The following BPNT1 variants were observed in gnomAD, a reference collection of about 807,000 sequenced individuals.
The protein encoded by BPNT1 is 3'(2'),5'-bisphosphate nucleotidase 1.
In BPNT1, 28 loss-of-function variants were observed where a neutral mutation model predicts 36.9. The ratio of observed to expected loss-of-function variants is 0.76; its 90% CI spans 0.56 to 1.04. The LOEUF (loss-of-function observed/expected upper bound fraction) is 1.04, where lower values mean the gene tolerates loss of function less well. BPNT1 is among the 50% of genes least tolerant of loss of function. BPNT1 has a pLI of 0.00. For synonymous variants in BPNT1, 119 were observed against 130.9 expected (o/e 0.91, Z 0.62); for missense variants, 313 against 372.9 (o/e 0.84, Z 1.32).
At position 220,079,867 on chromosome 1, in the gene BPNT1, C is replaced by G. The variant is rs1558098664; in HGVS notation, c.-8-13G>C. The G allele has an allele frequency of 8.1e-6, 13 of 1,601,992 alleles. No individual in the cohort carries two copies. Among genetic ancestry groups the G allele is most frequent in the Non-Finnish European group, 1.1e-5 (13 of 1,175,354 alleles). On this transcript the variant is annotated splice_polypyrimidine_tract_variant and intron_variant, in intron 1 of 8. Coordinates refer to ENST00000322067, the MANE Select transcript of BPNT1 (RefSeq NM_006085.6). ...GCCATGGTACACTCTAAAAAGAGAT[C>G]AAGAAAAATGTCTTGTTAGTTTCAA...
chr1:220,083,382 T>C (rs1312870666), intron 1 of BPNT1, among the ~76,000 whole-genome samples: 2 of 151,522 alleles, frequency 1.3e-5, no homozygotes, highest in Non-Finnish European at 2.9e-5. Flanking sequence ...TGGCGCGATC[T>C]CGGCTCACTA....
intron 4 of BPNT1, among the ~76,000 whole-genome samples, chr1:220,069,701 C>T (rs569434903): frequency 3.3e-5 from 5 of 152,128 alleles, no homozygotes; most frequent in Middle Eastern, 3.4e-3. Context: ...TTTGAGAGGC[C>T]GAGGCGGGTG....
At chr1:220,063,749 T>C (rs1663274252) in intron 6 of BPNT1, among the ~76,000 whole-genome samples, 1 of 152,224 alleles carries the variant, frequency 6.6e-6, no homozygotes. Flanking sequence ...AATACAATAT[T>C]GAAGAGTAGC....
intron 1 of BPNT1, among the ~76,000 whole-genome samples, chr1:220,083,630 T>C (rs1052150773): frequency 1.3e-5 from 2 of 152,128 alleles, no homozygotes; most frequent in African/African-American, 4.8e-5. Context: ...GGTTTCTAAG[T>C]GCAGCTGACA....
At chr1:220,084,020 G>A (rs1655470260) in intron 1 of BPNT1, among the ~76,000 whole-genome samples, 1 of 152,096 alleles carries the variant, frequency 6.6e-6, no homozygotes, top group African/African-American at 2.4e-5. Context: ...TACTAATTCA[G>A]GAGCACTTCA....
intron 6 of BPNT1, chr1:220,067,041 G>GC (rs1262858159): frequency 6.1e-6 from 1 of 163,632 alleles, no homozygotes; most frequent in Non-Finnish European, 1.3e-5. Flanking sequence ...CAGTACCAAT[G>GC]CCCCCAGCGA....
chr1:220,074,025 A>G lies in BPNT1; in HGVS notation c.167T>C (p.Met56Thr), dbSNP rs773964883. 26 of 1,614,156 alleles carry G rather than the reference A, an allele frequency of 1.6e-5. No individual in the cohort carries two copies. The highest frequency in any genetic ancestry group is 2.1e-5 in the Non-Finnish European group (25 of 1,180,014). The stretch of plus-strand genomic sequence containing the variant: ...CCGGGCCAATGAAGAACATATGCTC[A>G]TCTGTGCCAATCGGTCAGCTTTGGT... ...LQTKADRLAQ[M>T]SICSSLARKF... Residue 56 changes from methionine to threonine, a missense_variant, in exon 3 of 9, where the codon ATG becomes ACG. Physicochemically the swap from Met to Thr is moderately conservative, Grantham distance 81. Transcript: ENST00000322067.
At chr1:220,076,094 C>A (rs573675196) in intron 2 of BPNT1, among the ~76,000 whole-genome samples, 1 of 152,080 alleles carries the variant, frequency 6.6e-6, no homozygotes, top group Admixed American at 6.6e-5. Flanking sequence ...AGGGGCTGGG[C>A]GCAGTGGCTC....
chr1:220,082,120 AGT>A (rs1321525166), intron 1 of BPNT1, among the ~76,000 whole-genome samples: 28 of 127,946 alleles, frequency 2.2e-4, no homozygotes, highest in African/African-American at 6.5e-4. Context: ...AGAGAGAGAG[AGT>A]GTATATATAT....
At chr1:220,071,934 G>A (rs911996374) in intron 4 of BPNT1, among the ~76,000 whole-genome samples, 6 of 152,072 alleles carry the variant, frequency 3.9e-5, no homozygotes, top group South Asian at 2.1e-4. Context: ...TGATCTGCCC[G>A]CCTCAGCCTC....
chr1:220,069,324 C>A, intron 5 of BPNT1, 60 bp downstream of exon 5: 1 of 1,291,714 alleles, frequency 7.7e-7, no homozygotes, highest in South Asian at 1.4e-5. Context: ...CAAATATTTA[C>A]AACTAACATC....
intron 1 of BPNT1, among the ~76,000 whole-genome samples, chr1:220,080,333 G>A (rs548306598): frequency 2.0e-5 from 3 of 152,272 alleles, no homozygotes; most frequent in African/African-American, 7.2e-5. Flanking sequence ...GGTGTGTAGG[G>A]TGTAATTAAA....
In BPNT1 at chr1:220,064,789, C is replaced by A. The variant is rs537873771; in HGVS notation, c.475-1835G>T. The stretch of plus-strand genomic sequence containing the variant: ...TTACACTACAGGAGAGGCTTGGAAT[C>A]TAAGGAAGCTATTTATTTTTTTATT... On this transcript the variant is annotated intron_variant, in intron 6 of 8. Transcript: ENST00000322067. Among the ~76,000 whole-genome samples the A allele has an allele frequency of 2.0e-5, 3 of 152,170 alleles. No individual in the cohort carries two copies. The South Asian group carries it at 6.2e-4, about 32-fold the overall frequency.
chr1:220,088,803 AAAG>A (rs1248119255), intron 1 of BPNT1, among the ~76,000 whole-genome samples: 11 of 147,816 alleles, frequency 7.4e-5, no homozygotes, highest in Non-Finnish European at 1.1e-4. Context: ...AAAAAAAAAA[AAAG>A]AAAGAAAGAA....
chr1:220,071,676 A>G (rs959542918), intron 4 of BPNT1, among the ~76,000 whole-genome samples: 1 of 152,046 alleles, frequency 6.6e-6, no homozygotes, highest in African/African-American at 2.4e-5. Flanking sequence ...AAACCCATAC[A>G]TCTATTTCTT....
At chr1:220,078,314 AAT>A (rs1158887195) in intron 2 of BPNT1, among the ~76,000 whole-genome samples, 1 of 145,108 alleles carries the variant, frequency 6.9e-6, no homozygotes, top group Non-Finnish European at 1.5e-5. Flanking sequence ...ATATATATAT[AAT>A]ATATATAACA....
At chr1:220,075,045 GT>G (rs1211246744) in intron 2 of BPNT1, among the ~76,000 whole-genome samples, 1 of 152,110 alleles carries the variant, frequency 6.6e-6, no homozygotes, top group Non-Finnish European at 1.5e-5. Context: ...GAATTTGTTT[GT>G]TTGTTTGTTT....
chr1:220,072,839 A>G lies in BPNT1; in HGVS notation c.333+11T>C. ...GGTTAATAGAGAGTTGAGTATAAAT[A>G]TGGGTCATACATCTTCTTCTTTAAT... On this transcript the variant is annotated intron_variant, in intron 4 of 8. Transcript: ENST00000322067. 6.2e-7 allele frequency: 1 copy of G among 1,601,314 alleles called. No individual in the cohort carries two copies. Among genetic ancestry groups the G allele is most frequent in the Non-Finnish European group, 8.6e-7 (1 of 1,168,450 alleles).
intron 1 of BPNT1, among the ~76,000 whole-genome samples, chr1:220,087,413 G>A (rs1655839221): frequency 6.6e-6 from 1 of 151,884 alleles, no homozygotes; most frequent in Admixed American, 6.6e-5. Flanking sequence ...AAATTAGCCG[G>A]GCTTGGTGGC....
Sources: gnomAD v4.1 joint callset for allele counts (sites outside exome capture counted in the v4.1 genomes callset) on GRCh38, gnomAD v4.1.1 for gene constraint, MANE v1.5 for transcripts, NCBI Gene and HGNC (gene_info 2026-07-23, HGNC 2026-07-21) for gene names.